TRAK1: variants seen among roughly 807,000 people sequenced by gnomAD.
TRAK1 encodes trafficking kinesin-binding protein 1.
Under a neutral mutation model 92.1 loss-of-function variants are expected in TRAK1, and 33 were observed. The ratio of observed to expected loss-of-function variants is 0.36; its 90% CI spans 0.27 to 0.48. TRAK1 has a LOEUF of 0.48. Ranked by LOEUF, TRAK1 falls within the 20% of genes least tolerant of loss-of-function variation. TRAK1 has a pLI of 0.99. For missense variants in TRAK1, 1,123 were observed against 1,257.9 expected, an observed-to-expected ratio of 0.89 and a Z score of 1.62; for synonymous variants, 521 against 517.3, an observed-to-expected ratio of 1.01 and a Z score of -0.10.
At chr3:42,030,979 C>T (rs145004344) in intron 1 of TRAK1, among the ~76,000 whole-genome samples, 6 of 150,988 alleles carry the variant, frequency 4.0e-5, no homozygotes, top group South Asian at 2.1e-4. Context: ...AAAGAGAAAA[C>T]GGAACAATGT....
intron 1 of TRAK1, among the ~76,000 whole-genome samples, chr3:42,033,893 T>C (rs1702235481): frequency 6.6e-6 from 1 of 152,174 alleles, no homozygotes; most frequent in Non-Finnish European, 1.5e-5. Context: ...CATCTTCCCC[T>C]GACATACCGC....
In TRAK1 at chr3:42,192,199, GC is replaced by G. The variant is rs146860464; in HGVS notation, c.769+565del. Among the ~76,000 whole-genome samples, 636 of 152,136 alleles carry G rather than the reference GC, an allele frequency of 4.2e-3. 6 individuals carry two copies. The highest frequency in any genetic ancestry group is 0.015 in the African/African-American group (604 of 41,440). On this transcript the variant is annotated intron_variant, in intron 7 of 15. Coordinates refer to ENST00000327628, the MANE Select transcript of TRAK1 (RefSeq NM_001042646.3). ...TTACAGGCGTGAGCCACCACCCCTG[GC>G]CAGAATATTGGAATTTTTTAATGCC...
chr3:42,133,108 A>G (rs1697431447), intron 2 of TRAK1, among the ~76,000 whole-genome samples: 1 of 151,804 alleles, frequency 6.6e-6, no homozygotes, highest in South Asian at 2.1e-4. Flanking sequence ...TCTCTGCTGT[A>G]CTCTTTGGAC....
At chr3:42,211,104 TG>T (rs1209913317) in intron 14 of TRAK1, 2 of 985,424 alleles carry the variant, frequency 2.0e-6, no homozygotes, top group Non-Finnish European at 2.4e-6. Context: ...ATGACATTCC[TG>T]AGGATTCACC....
rs770281448 is a variant in TRAK1, at chr3:42,194,814, T to C, written c.986T>C (p.Leu329Pro). ...QRQLTAELRE[L>P]EDKYAECMEM... is the part of the protein sequence containing the mutation. ...CTTTCCTGCCTGCAGCTGCGTGAGCTGGAGGACAAGTACGCAGAGTGCATG... is the reference window on the plus strand; with the variant it reads ...CTTTCCTGCCTGCAGCTGCGTGAGCCGGAGGACAAGTACGCAGAGTGCATG... The change falls in exon 10 of 16, where the codon CTG becomes CCG. Residue 329 changes from leucine to proline, a missense_variant. This residue lies in a region of TRAK1 where 686 missense variants were observed against 747.6 expected (regional missense o/e 0.92). Coordinates refer to ENST00000327628, the MANE Select transcript of TRAK1 (RefSeq NM_001042646.3). The C allele has an allele frequency of 1.4e-5, 23 of 1,613,542 alleles. No homozygotes were observed. Among genetic ancestry groups the C allele is most frequent in the Non-Finnish European group, 2.5e-6 (3 of 1,179,822 alleles).
intron 1 of TRAK1, among the ~76,000 whole-genome samples, chr3:42,103,255 C>A (rs915944106): frequency 1.2e-4 from 18 of 152,188 alleles, no homozygotes; most frequent in African/African-American, 4.3e-4. Flanking sequence ...GCAATCTCTG[C>A]CTCCCAGGTT....
At chr3:42,185,450 AG>A (rs1229858592) in intron 4 of TRAK1, among the ~76,000 whole-genome samples, 1 of 152,152 alleles carries the variant, frequency 6.6e-6, no homozygotes, top group African/African-American at 2.4e-5. Context: ...GGCTTATCTT[AG>A]GGTATCTAGG....
At position 42,091,469 on chromosome 3, in the gene TRAK1, C is replaced by T. The variant is rs764235537; in HGVS notation, c.-1C>T. On this transcript the variant is annotated 5_prime_UTR_variant, in exon 1 of 16. Coordinates refer to ENST00000327628, the MANE Select transcript of TRAK1 (RefSeq NM_001042646.3). ...AGTGCCTTTGGAGTTTATGTCTGCA[C>T]ATGGCATTGGTTTTTCAATTCGGGC... 3 of 1,613,510 alleles carry T rather than the reference C, an allele frequency of 1.9e-6. No individual in the cohort carries two copies. The highest frequency in any genetic ancestry group is 1.1e-5 in the South Asian group (1 of 90,916).
chr3:42,211,522 G>A (rs989141615), intron 14 of TRAK1: 9 of 985,330 alleles, frequency 9.1e-6, no homozygotes, highest in Non-Finnish European at 8.4e-6. Context: ...GCAGGTGGTG[G>A]TGCAGAAACA....
intron 1 of TRAK1, among the ~76,000 whole-genome samples, chr3:42,030,389 A>ATG: frequency 6.8e-6 from 1 of 147,720 alleles, no homozygotes; most frequent in Non-Finnish European, 1.5e-5. Context: ...ATATATATAT[A>ATG]TGGCCGGGCG....
At chr3:42,036,630 C>G (rs1193394394) in intron 1 of TRAK1, among the ~76,000 whole-genome samples, 3 of 152,264 alleles carry the variant, frequency 2.0e-5, no homozygotes, top group Non-Finnish European at 4.4e-5. Flanking sequence ...CGTGACTGTT[C>G]TGACTCATGT....
At chr3:42,186,024 T>G in intron 4 of TRAK1, among the ~76,000 whole-genome samples, 1 of 130,778 alleles carries the variant, frequency 7.6e-6, no homozygotes, top group Admixed American at 8.8e-5. Context: ...ACTCTGTCAC[T>G]CAGGCTAGAG....
In TRAK1 at chr3:42,223,173, C is replaced by T; in HGVS notation, c.2298C>T (p.Ser766=). ...GCTGGGACAGGGCCGGCCGGGGCTCCCTCCTGCACTCCTACACGCCCAAGA... is the reference window on the plus strand; with the variant it reads ...GCTGGGACAGGGCCGGCCGGGGCTCTCTCCTGCACTCCTACACGCCCAAGA... ...PQSWDRAGRG[S]LLHSYTPKMA... is the part of the protein sequence containing the mutation. The change falls in exon 16 of 16, where the codon TCC becomes TCT. Residue 766 remains serine (S), a synonymous_variant. Coordinates refer to ENST00000327628, the MANE Select transcript of TRAK1 (RefSeq NM_001042646.3). The surrounding 1 kb of genome is among the most constrained non-coding windows in gnomAD (Gnocchi z 6.1). 1.2e-6 allele frequency: 2 copies of T among 1,614,066 alleles called. No individual in the cohort carries two copies. Among genetic ancestry groups the T allele is most frequent in the Non-Finnish European group, 8.5e-7 (1 of 1,180,004 alleles).
At chr3:42,029,082 CA>C (rs1702019419) in intron 1 of TRAK1, among the ~76,000 whole-genome samples, 1 of 152,010 alleles carries the variant, frequency 6.6e-6, no homozygotes, top group Non-Finnish European at 1.5e-5. Flanking sequence ...TTGGCTGGAG[CA>C]GGAGGAAGAG....
At chr3:42,138,724 T>TAAA (rs56107300) in intron 2 of TRAK1, among the ~76,000 whole-genome samples, 7 of 133,304 alleles carry the variant, frequency 5.3e-5, no homozygotes, top group African/African-American at 1.7e-4. Context: ...CCATATCTAT[T>TAAA]AAAAAAAAAA....
At chr3:42,119,159 A>G (rs967005568) in intron 1 of TRAK1, among the ~76,000 whole-genome samples, 4 of 152,212 alleles carry the variant, frequency 2.6e-5, no homozygotes, top group South Asian at 4.1e-4. Flanking sequence ...GGGGCTCACA[A>G]TTAGTAGGGA....
chr3:42,134,238 C>CCTCTCCCCTT (rs1697626205), intron 2 of TRAK1, among the ~76,000 whole-genome samples: 1 of 21,542 alleles, frequency 4.6e-5, no homozygotes, highest in Non-Finnish European at 8.7e-5. Context: ...CCCCTTCCCT[C>CCTCTCCCCTT]CCCTCCCCTT....
chr3:42,183,939 A>T (rs557367305), intron 3 of TRAK1, among the ~76,000 whole-genome samples: 2 of 152,172 alleles, frequency 1.3e-5, no homozygotes, highest in Non-Finnish European at 2.9e-5. Flanking sequence ...TTTCCTCTGT[A>T]TACTGGCTCT....
At chr3:42,111,274 C>T (rs1429152683) in intron 1 of TRAK1, among the ~76,000 whole-genome samples, 1 of 152,220 alleles carries the variant, frequency 6.6e-6, no homozygotes, top group Non-Finnish European at 1.5e-5. Context: ...GTAGAACCAA[C>T]TTTGGGAGGA....
Sources: allele counts gnomAD v4.1 joint callset (sites outside exome capture counted in the v4.1 genomes callset), GRCh38; gene constraint gnomAD v4.1.1; regional missense constraint gnomAD v4.1.1; non-coding constraint Gnocchi (gnomAD v3.1); transcripts MANE v1.5; gene names NCBI Gene and HGNC (gene_info 2026-07-23, HGNC 2026-07-21).